The following UNC79 variants were observed in gnomAD, a reference collection of about 807,000 sequenced individuals.
UNC79 encodes unc-79 subunit of NALCN channel complex.
A neutral mutation model predicts 283.1 loss-of-function variants in UNC79; 37 were observed. The ratio of observed to expected loss-of-function variants is 0.13; its 90% confidence interval spans 0.10 to 0.17. UNC79 has a LOEUF of 0.17. Ranked by LOEUF, UNC79 falls within the 10% of genes least tolerant of loss-of-function variation. UNC79 has a pLI of 1.00. For synonymous variants in UNC79, 1,107 were observed against 1,200.2 expected (o/e 0.92, Z 1.61); for missense variants, 2,272 against 3,211.1 (o/e 0.71, Z 7.07).
chr14:93,336,414 T>C (rs2053578711), intron 1 of UNC79, among the ~76,000 whole-genome samples: 1 of 152,128 alleles, frequency 6.6e-6, no homozygotes, highest in Non-Finnish European at 1.5e-5. Flanking sequence ...CAATCTCAGC[T>C]CAGTGCAACC....
exon 15 of UNC79, chr14:93,571,900 G>A: frequency 6.2e-7 from 1 of 1,613,762 alleles, no homozygotes; most frequent in Non-Finnish European, 8.5e-7. Flanking sequence ...TCAGGTTGGT[G>A]GCTACTGGGA....
At chr14:93,487,189 T>A (rs1160487935) in intron 4 of UNC79, among the ~76,000 whole-genome samples, 1 of 152,206 alleles carries the variant, frequency 6.6e-6, no homozygotes, top group Non-Finnish European at 1.5e-5. Context: ...GTATTGTAAC[T>A]AAATTAATGT....
In UNC79 at chr14:93,608,682, G is replaced by C. The variant is rs181090718; in HGVS notation, c.3755-4115G>C. On this transcript the variant is annotated intron_variant, in intron 26 of 48. Coordinates refer to ENST00000555664, the Ensembl canonical transcript of UNC79. ...CCAAGTGCAGAGTAAGCTCATGGAG[G>C]GATCCTTTCTTCCTCTACCTAATTG... is the stretch of plus-strand genomic sequence containing the variant. Among the ~76,000 whole-genome samples, 11 of 152,260 alleles carry C rather than the reference G, an allele frequency of 7.2e-5. No individual in the cohort carries two copies. In the East Asian group the frequency reaches 2.1e-3, roughly 29 times the overall value.
intron 4 of UNC79, among the ~76,000 whole-genome samples, chr14:93,478,961 A>G (rs2057957614): frequency 6.6e-6 from 1 of 152,192 alleles, no homozygotes; most frequent in Non-Finnish European, 1.5e-5. Flanking sequence ...TTCTCCCTAA[A>G]TTATATAGCA....
intron 1 of UNC79, among the ~76,000 whole-genome samples, chr14:93,406,751 A>G (rs2055234476): frequency 6.6e-6 from 1 of 152,188 alleles, no homozygotes; most frequent in Non-Finnish European, 1.5e-5. Flanking sequence ...CTCATCTCAT[A>G]ATAAGGGAGA....
chr14:93,640,487 G>A (rs1337415114), intron 32 of UNC79, among the ~76,000 whole-genome samples: 1 of 152,136 alleles, frequency 6.6e-6, no homozygotes, highest in African/African-American at 2.4e-5. Flanking sequence ...AATTAGCCAG[G>A]CATTGTGGCG....
intron 1 of UNC79, among the ~76,000 whole-genome samples, chr14:93,401,315 G>GA (rs1329950841): frequency 6.6e-6 from 1 of 152,202 alleles, no homozygotes; most frequent in African/African-American, 2.4e-5. Context: ...GGATACAAAA[G>GA]ATGAAGAACT....
intron 1 of UNC79, among the ~76,000 whole-genome samples, chr14:93,450,948 AT>A (rs1262001368): frequency 1.3e-5 from 2 of 151,884 alleles, no homozygotes; most frequent in African/African-American, 4.8e-5. Context: ...CTTTTGCTGT[AT>A]TTTGGGGAAA....
intron 16 of UNC79, among the ~76,000 whole-genome samples, chr14:93,574,683 C>T (rs965320938): frequency 2.0e-5 from 3 of 152,086 alleles, no homozygotes; most frequent in African/African-American, 7.2e-5. Flanking sequence ...TACCAGACAG[C>T]AGGATCGGAT....
intron 26 of UNC79, among the ~76,000 whole-genome samples, chr14:93,612,151 C>T (rs1468937939): frequency 1.3e-5 from 2 of 152,216 alleles, no homozygotes; most frequent in African/African-American, 4.8e-5. Context: ...ATGCTTCGCT[C>T]TCTTTCTGTT....
chr14:93,702,262 G>C (rs1350586268), intron 47 of UNC79, among the ~76,000 whole-genome samples: 1 of 151,944 alleles, frequency 6.6e-6, no homozygotes, highest in Non-Finnish European at 1.5e-5. Context: ...GTTTTGTTAT[G>C]AGGGTTGGGG....
chr14:93,706,026 T>A (rs1168578780), intron 48 of UNC79, among the ~76,000 whole-genome samples: 2 of 152,136 alleles, frequency 1.3e-5, no homozygotes, highest in Non-Finnish European at 2.9e-5. Context: ...AAAAGAGAGT[T>A]TCTTGCACTC....
At chr14:93,511,226 C>T (rs2059809282) in intron 7 of UNC79, among the ~76,000 whole-genome samples, 1 of 152,046 alleles carries the variant, frequency 6.6e-6, no homozygotes, top group African/African-American at 2.4e-5. Context: ...GCTGCTCCTC[C>T]AACACTGAGG....
chr14:93,460,506 CA>C (rs33915324), intron 1 of UNC79, among the ~76,000 whole-genome samples: 2,782 of 103,178 alleles, frequency 0.027, 46 homozygotes, highest in African/African-American at 0.068. Context: ...CAAGACTTCT[CA>C]AAAAAAAAAA....
intron 46 of UNC79, among the ~76,000 whole-genome samples, chr14:93,692,820 A>G (rs758289356): frequency 1.3e-5 from 2 of 152,206 alleles, no homozygotes; most frequent in Non-Finnish European, 2.9e-5. Context: ...GAAGGAATTT[A>G]CAAGGGAGTC....
At chr14:93,382,931 T>C (rs1439269679) in intron 1 of UNC79, among the ~76,000 whole-genome samples, 1 of 152,168 alleles carries the variant, frequency 6.6e-6, no homozygotes, top group Admixed American at 6.5e-5. Context: ...CTAGACAAGG[T>C]AGAATGTCTA....
chr14:93,686,616 A>G, exon 43 of UNC79: 1 of 1,614,138 alleles, frequency 6.2e-7, no homozygotes, highest in Non-Finnish European at 8.5e-7. Flanking sequence ...ACATCAACGA[A>G]GTGCTGGATT....
intron 39 of UNC79, 39 bp from the exon 43 acceptor site, chr14:93,662,565 A>G (rs1192162970): frequency 7.5e-7 from 1 of 1,327,702 alleles, no homozygotes; most frequent in East Asian, 2.3e-5. Flanking sequence ...AAATGAAGTA[A>G]TCAGCAATTG....
chr14:93,451,403 G>A (rs2056637392), intron 1 of UNC79, among the ~76,000 whole-genome samples: 1 of 152,258 alleles, frequency 6.6e-6, no homozygotes, highest in Non-Finnish European at 1.5e-5. Flanking sequence ...TCTCCAGCCT[G>A]AAGGGTAAGG....
Sources: allele counts gnomAD v4.1 joint callset (sites outside exome capture counted in the v4.1 genomes callset), GRCh38; gene constraint gnomAD v4.1.1; transcripts MANE v1.5; gene names NCBI Gene and HGNC (gene_info 2026-07-23, HGNC 2026-07-21).